The following SORCS3 variants were observed in gnomAD, a reference collection of about 807,000 sequenced individuals.
SORCS3 encodes the protein sortilin related VPS10 domain containing receptor 3, also known as VPS10 domain-containing receptor SorCS3.
SORCS3 carries 57 observed loss-of-function variants against 146.3 expected under a neutral mutation model. That is an observed-to-expected ratio of 0.39 (90% CI 0.31 to 0.49). The LOEUF (loss-of-function observed/expected upper bound fraction) is 0.49, where lower values mean the gene tolerates loss of function less well. Among genes scored for constraint, SORCS3 ranks in the 20% least tolerant of loss-of-function variants. The pLI, the probability that SORCS3 is intolerant of heterozygous loss-of-function variation, is 0.92. For synonymous variants in SORCS3, 653 were observed against 618.5 expected, an observed-to-expected ratio of 1.06 and a Z score of -0.83; for missense variants, 1,341 against 1,575.5, an observed-to-expected ratio of 0.85 and a Z score of 2.52.
At chr10:104,892,988 A>G (rs1380658094) in intron 2 of SORCS3, among the ~76,000 whole-genome samples, 1 of 152,142 alleles carries the variant, frequency 6.6e-6, no homozygotes, top group Non-Finnish European at 1.5e-5. Flanking sequence ...AACTCTTTGC[A>G]TGACTCAATT....
rs567687496 is a variant in SORCS3 at position 104,806,382 on chromosome 10, T to A, written c.628-36410T>A. Reference sequence around the variant, plus strand: ...TAATGTCTCTGAATGTGACTTATGATGCTGTAAGTTCTAGAACCCTCTTCA... The same window carrying A: ...TAATGTCTCTGAATGTGACTTATGAAGCTGTAAGTTCTAGAACCCTCTTCA... On this transcript the variant is annotated intron_variant, in intron 1 of 26. Coordinates refer to ENST00000369701, the MANE Select transcript of SORCS3 (RefSeq NM_014978.3). 2.6e-5 allele frequency among the ~76,000 whole-genome samples: 4 copies of A among 152,338 alleles called. No homozygotes were observed. In the East Asian group the frequency reaches 7.7e-4, roughly 29 times the overall value.
intron 5 of SORCS3, among the ~76,000 whole-genome samples, chr10:105,051,974 G>A (rs918534546): frequency 1.3e-5 from 2 of 152,142 alleles, no homozygotes; most frequent in African/African-American, 4.8e-5. Flanking sequence ...TTGCATCTTG[G>A]CTGTGGAAGA....
At chr10:105,048,465 C>T (rs1418628833) in intron 5 of SORCS3, among the ~76,000 whole-genome samples, 6 of 148,100 alleles carry the variant, frequency 4.1e-5, no homozygotes, top group East Asian at 2.0e-4. Context: ...TGTTCTCACT[C>T]ACAGGTGGGA....
chr10:104,837,932 C>A (rs57694841), intron 1 of SORCS3, among the ~76,000 whole-genome samples: 15,019 of 152,220 alleles, frequency 0.099, 923 homozygotes, highest in South Asian at 0.24. Flanking sequence ...CAGGCATGAG[C>A]AGAAATGCTG....
intron 4 of SORCS3, among the ~76,000 whole-genome samples, chr10:104,981,887 G>A (rs1388836372): frequency 6.6e-6 from 1 of 152,136 alleles, no homozygotes; most frequent in Non-Finnish European, 1.5e-5. Flanking sequence ...AACAGATACA[G>A]CTGGGTTTGG....
intron 5 of SORCS3, among the ~76,000 whole-genome samples, chr10:105,076,546 C>G (rs563226662): frequency 6.6e-6 from 1 of 152,320 alleles, no homozygotes; most frequent in South Asian, 2.1e-4. Flanking sequence ...GGACTCCATG[C>G]TGGGTGCACA....
intron 7 of SORCS3, among the ~76,000 whole-genome samples, chr10:105,122,413 A>T (rs563616504): frequency 6.6e-6 from 1 of 152,338 alleles, no homozygotes; most frequent in East Asian, 1.9e-4. Context: ...GTTTCAGAGC[A>T]GCAGAGACAG....
At chr10:105,235,896 A>G (rs995198724) in intron 20 of SORCS3, among the ~76,000 whole-genome samples, 14 of 152,138 alleles carry the variant, frequency 9.2e-5, no homozygotes, top group Admixed American at 2.6e-4. Flanking sequence ...TGTGAAAACT[A>G]TGCTATTTTA....
intron 1 of SORCS3, among the ~76,000 whole-genome samples, chr10:104,651,634 A>G (rs2015561423): frequency 6.6e-6 from 1 of 151,488 alleles, no homozygotes; most frequent in Non-Finnish European, 1.5e-5. Context: ...TGAACGCAGG[A>G]GGCAGGGGTT....
chr10:105,076,098 A>G (rs749024660), intron 5 of SORCS3, among the ~76,000 whole-genome samples: 1 of 152,236 alleles, frequency 6.6e-6, no homozygotes, highest in Non-Finnish European at 1.5e-5. Context: ...GTGTTCTTGC[A>G]TCATTTCATT....
intron 5 of SORCS3, among the ~76,000 whole-genome samples, chr10:105,056,404 A>T (rs1398591283): frequency 6.6e-6 from 1 of 152,018 alleles, no homozygotes; most frequent in Non-Finnish European, 1.5e-5. Flanking sequence ...TCTGTTAGGA[A>T]AAAAAAGTTT....
Position 105,255,770 on chromosome 10 carries a change from A to C in SORCS3, c.3306A>C (p.Gln1102His). ...LVQFELKPGVQVIVYVTQLTL... is the reference protein window; with the variant it reads ...LVQFELKPGVHVIVYVTQLTL... ...AGTTTGAGCTGAAGCCGGGGGTACA[A>C]GTCATTGTGTATGTCACACAGCTGA... The change falls in exon 24 of 27, where the codon CAA becomes CAC. Residue 1102 changes from glutamine (Q) to histidine (H), a missense_variant. Coordinates refer to ENST00000369701, the MANE Select transcript of SORCS3 (RefSeq NM_014978.3). 1 of 1,613,852 alleles carries C rather than the reference A, an allele frequency of 6.2e-7. No homozygotes were observed. The highest frequency in any genetic ancestry group is 2.2e-5 in the East Asian group (1 of 44,870).
chr10:105,214,362 T>G lies in SORCS3; in HGVS notation c.2376-80T>G, dbSNP rs2056652073. 2.9e-6 allele frequency: 3 copies of G among 1,050,882 alleles called. No homozygotes were observed. The Admixed American group carries it at 7.6e-5, about 27-fold the overall frequency. 65.1% of individuals were successfully genotyped at this position (1,050,882 alleles called of 1,614,324 possible). Reference sequence around the variant, plus strand: ...TGCTCTTGCTCTCTTACATTCCCTTTATAACACACACACACACACATACAA... The same window carrying G: ...TGCTCTTGCTCTCTTACATTCCCTTGATAACACACACACACACACATACAA... On this transcript the variant is annotated intron_variant, in intron 17 of 26. Coordinates refer to ENST00000369701, the MANE Select transcript of SORCS3 (RefSeq NM_014978.3).
intron 1 of SORCS3, among the ~76,000 whole-genome samples, chr10:104,757,116 T>G (rs2133473445): frequency 6.6e-6 from 1 of 150,760 alleles, no homozygotes; most frequent in East Asian, 2.0e-4. Context: ...CACAAAAGTT[T>G]GTGCTTGCTC....
chr10:105,142,237 A>C (rs4310545), intron 8 of SORCS3, among the ~76,000 whole-genome samples: 1 of 151,914 alleles, frequency 6.6e-6, no homozygotes, highest in African/African-American at 2.4e-5. Flanking sequence ...ATTCAGGTTG[A>C]AAGTAAAAAT....
At chr10:104,987,574 G>C (rs903725994) in intron 4 of SORCS3, among the ~76,000 whole-genome samples, 13 of 152,116 alleles carry the variant, frequency 8.5e-5, no homozygotes, top group African/African-American at 3.1e-4. Flanking sequence ...TGCAGCCTGA[G>C]ATTTCTCTTT....
intron 14 of SORCS3, among the ~76,000 whole-genome samples, chr10:105,191,939 G>A (rs986500958): frequency 3.9e-5 from 6 of 152,076 alleles, no homozygotes; most frequent in African/African-American, 1.4e-4. Flanking sequence ...CAAATACAAT[G>A]TCTAGACTAC....
At position 105,087,995 on chromosome 10, in the gene SORCS3, T is replaced by A. The variant is rs147057217; in HGVS notation, c.1029-1780T>A. On this transcript the variant is annotated intron_variant, in intron 5 of 26. Coordinates refer to ENST00000369701, the MANE Select transcript of SORCS3 (RefSeq NM_014978.3). ...AGTCTGAGAACCACTGGGATAAGGATGCTTTGGGAGCAGGGAAAGGGCTCT... is the reference window on the plus strand; with the variant it reads ...AGTCTGAGAACCACTGGGATAAGGAAGCTTTGGGAGCAGGGAAAGGGCTCT... 5.3e-3 allele frequency among the ~76,000 whole-genome samples: 801 copies of A among 152,270 alleles called. 5 individuals are homozygous for A. Among genetic ancestry groups the A allele is most frequent in the Non-Finnish European group, 7.8e-3 (530 of 68,018 alleles).
In SORCS3 at chr10:104,933,675, C is replaced by T. The variant is rs574376641; in HGVS notation, c.795+17743C>T. On this transcript the variant is annotated intron_variant, in intron 3 of 26. Coordinates refer to ENST00000369701, the MANE Select transcript of SORCS3 (RefSeq NM_014978.3). Reference sequence around the variant, plus strand: ...TCATTTGAGAATCAAGTGACACGAGCCGTGTAAATCATGTAAATGTTAACA... The same window carrying T: ...TCATTTGAGAATCAAGTGACACGAGTCGTGTAAATCATGTAAATGTTAACA... 3.9e-5 allele frequency among the ~76,000 whole-genome samples: 6 copies of T among 152,328 alleles called. No individual in the cohort carries two copies. In the East Asian group the frequency reaches 1.2e-3, roughly 29 times the overall value.
Sources: gnomAD v4.1 joint callset for allele counts (sites outside exome capture counted in the v4.1 genomes callset) on GRCh38, gnomAD v4.1.1 for gene constraint, MANE v1.5 for transcripts, NCBI Gene and HGNC (gene_info 2026-07-23, HGNC 2026-07-21) for gene names.